Variants in APELA observed in about 807,000 individuals in gnomAD.
The protein encoded by APELA is protein Elabela.
intron 2 of APELA, among the ~76,000 whole-genome samples, chr4:164,883,607 C>T (rs1730702574): frequency 6.6e-6 from 1 of 151,698 alleles, no homozygotes; most frequent in Non-Finnish European, 1.5e-5. Flanking sequence ...CTGCCTCAGC[C>T]TTCCAAGTAT....
At chr4:164,886,807 GTTTTC>G (rs1278507659) in intron 2 of APELA, among the ~76,000 whole-genome samples, 9 of 151,284 alleles carry the variant, frequency 5.9e-5, no homozygotes, top group South Asian at 4.2e-4. Context: ...GAGTTTCAAA[GTTTTC>G]TTTTCTTTTC....
intron 2 of APELA, among the ~76,000 whole-genome samples, chr4:164,892,890 C>G (rs1020738319): frequency 2.0e-5 from 3 of 152,032 alleles, no homozygotes; most frequent in African/African-American, 7.2e-5. Flanking sequence ...TTTGTTGGCA[C>G]ACAGTTGTTT....
chr4:164,883,795 T>G (rs1297619245), intron 2 of APELA, among the ~76,000 whole-genome samples: 2 of 151,412 alleles, frequency 1.3e-5, no homozygotes, highest in East Asian at 3.9e-4. Context: ...CCCTAGTCTT[T>G]CAATAAAAAA....
chr4:164,886,873 T>C (rs776593568), intron 2 of APELA, among the ~76,000 whole-genome samples: 1 of 151,894 alleles, frequency 6.6e-6, no homozygotes, highest in Non-Finnish European at 1.5e-5. Flanking sequence ...TAGGCTGGAG[T>C]GTAGTGCAGT....
At chr4:164,883,129 G>C (rs1730693570) in intron 2 of APELA, among the ~76,000 whole-genome samples, 1 of 152,032 alleles carries the variant, frequency 6.6e-6, no homozygotes, top group Admixed American at 6.6e-5. Flanking sequence ...TCCTGCAATT[G>C]TCCTAGCATC....
chr4:164,892,123 C>A (rs1042372908), intron 2 of APELA, among the ~76,000 whole-genome samples: 2 of 151,824 alleles, frequency 1.3e-5, no homozygotes, highest in Non-Finnish European at 2.9e-5. Flanking sequence ...CCAGCCTGGG[C>A]AATATAGCAA....
chr4:164,880,274 G>T (rs1730632047), intron 2 of APELA, among the ~76,000 whole-genome samples: 1 of 152,200 alleles, frequency 6.6e-6, no homozygotes. Flanking sequence ...AAGCCCTGTA[G>T]TAGAAAATTA....
intron 2 of APELA, among the ~76,000 whole-genome samples, chr4:164,882,578 C>CATTATTATT (rs376217375): frequency 6.6e-6 from 1 of 151,428 alleles, no homozygotes; most frequent in Non-Finnish European, 1.5e-5. Context: ...TCTTTTAATA[C>CATTATTATT]ATTATTATTA....
chr4:164,879,846 T>C (rs1160913743), intron 2 of APELA, among the ~76,000 whole-genome samples: 2 of 152,246 alleles, frequency 1.3e-5, no homozygotes, highest in Non-Finnish European at 2.9e-5. Flanking sequence ...ATGGCAGCTT[T>C]CCAGCCTCAC....
At chr4:164,897,721 A>T (rs150295069), downstream of APELA, among the ~76,000 whole-genome samples, 1 of 152,308 alleles carries the variant, frequency 6.6e-6, no homozygotes, top group East Asian at 1.9e-4. Flanking sequence ...AAGGGCAAAG[A>T]TTCTCTCAAA....
chr4:164,896,510 T>C lies in APELA; in HGVS notation c.*1096T>C, dbSNP rs1468199884. 3 of 152,164 alleles carry C rather than the reference T, an allele frequency of 2.0e-5. No individual in the cohort carries two copies. Among genetic ancestry groups the C allele is most frequent in the Non-Finnish European group, 4.4e-5 (3 of 68,032 alleles). The allele number at this position is 152,164 out of a possible 1,614,324, so 9.4% of individuals were successfully genotyped here. ...AGTCCCACTCAGGGTGATATCTGTA[T>C]CTAAAAGATGAGTGCTCATCATCCT... On this transcript the variant is annotated 3_prime_UTR_variant, in exon 3 of 3. Coordinates refer to ENST00000507152, the MANE Select transcript of APELA (RefSeq NM_001297550.2).
At position 164,890,259 on chromosome 4, in the gene APELA, C is replaced by T. The variant is rs181228949; in HGVS notation, c.*2-5157C>T. On this transcript the variant is annotated intron_variant, in intron 2 of 2. Transcript: ENST00000507152. ...TAATTTTTTTCAGTTATCATTTATA[C>T]ACCCGACAATTCACCCATTTAAGGT... is the stretch of plus-strand genomic sequence containing the variant. 2.6e-4 allele frequency among the ~76,000 whole-genome samples: 39 copies of T among 152,214 alleles called. No homozygotes were observed. The East Asian group carries it at 7.5e-3, about 29-fold the overall frequency.
Position 164,896,736 on chromosome 4 carries a change from AT to A in APELA, c.*1327del, listed in dbSNP as rs1420421542. 3 of 151,960 alleles carry A rather than the reference AT, an allele frequency of 2.0e-5. No individual in the cohort carries two copies. The highest frequency in any genetic ancestry group is 6.6e-5 in the Admixed American group (1 of 15,248). The allele number at this position is 151,960 out of a possible 1,614,324, so 9.4% of individuals were successfully genotyped here. ...AGGATTGTTAGCTTAGTGCCACAAA[AT>A]TTTTCTTACTTTATGTTAATTCCAG... On this transcript the variant is annotated 3_prime_UTR_variant, in exon 3 of 3. Transcript: ENST00000507152.
chr4:164,894,494 G>A (rs1730937084), intron 2 of APELA, among the ~76,000 whole-genome samples: 1 of 151,774 alleles, frequency 6.6e-6, no homozygotes, highest in Non-Finnish European at 1.5e-5. Flanking sequence ...TGGGGTCACT[G>A]CAACCTCTTT....
At chr4:164,887,434 T>C (rs1315698506) in intron 2 of APELA, among the ~76,000 whole-genome samples, 1 of 152,056 alleles carries the variant, frequency 6.6e-6, no homozygotes, top group Non-Finnish European at 1.5e-5. Flanking sequence ...CTTGAAAGTT[T>C]AAATGGTGAT....
At chr4:164,878,234 A>G (rs974577861) in intron 1 of APELA, among the ~76,000 whole-genome samples, 2 of 152,118 alleles carry the variant, frequency 1.3e-5, no homozygotes, top group Admixed American at 1.3e-4. Context: ...TTAGAAAGTT[A>G]AAGTTTTCTG....
intron 1 of APELA, among the ~76,000 whole-genome samples, chr4:164,877,721 T>G (rs991025831): frequency 6.6e-6 from 1 of 152,198 alleles, no homozygotes; most frequent in Non-Finnish European, 1.5e-5. Flanking sequence ...TGTTCGTCTA[T>G]TCATTATAAA....
chr4:164,895,632 A>G lies in APELA; in HGVS notation c.*218A>G, dbSNP rs1256655763. On this transcript the variant is annotated 3_prime_UTR_variant, in exon 3 of 3. Transcript: ENST00000507152. The stretch of plus-strand genomic sequence containing the variant: ...TTTGGAGGGAAAATAACATAAATTC[A>G]AAAGGATTCCAATCTGAAGCCCAAA... The G allele has an allele frequency of 3.3e-5, 5 of 152,240 alleles. No individual in the cohort carries two copies. The highest frequency in any genetic ancestry group is 2.6e-4 in the Admixed American group (4 of 15,286). 9.4% of individuals were successfully genotyped at this position (152,240 alleles called of 1,614,324 possible).
chr4:164,890,451 T>C (rs1394501572), intron 2 of APELA, among the ~76,000 whole-genome samples: 1 of 152,202 alleles, frequency 6.6e-6, no homozygotes, highest in Admixed American at 6.5e-5. Context: ...ACTTTCTGTC[T>C]CTATAGATTT....
Sources: allele counts gnomAD v4.1 joint callset (sites outside exome capture counted in the v4.1 genomes callset), GRCh38; gene constraint gnomAD v4.1.1; transcripts MANE v1.5; gene names NCBI Gene and HGNC (gene_info 2026-07-23, HGNC 2026-07-21).